FARSB: variants seen among roughly 807,000 people sequenced by gnomAD.
The protein encoded by FARSB is phenylalanyl-tRNA synthetase subunit beta.
FARSB carries 40 observed loss-of-function variants against 69.6 expected under a neutral mutation model. The observed-to-expected ratio is 0.57, with a 90% CI of 0.45 to 0.75. The LOEUF (loss-of-function observed/expected upper bound fraction) is 0.75. Ranked by LOEUF, FARSB falls within the 30% of genes least tolerant of loss-of-function variation. FARSB has a pLI of 0.00. For synonymous variants in FARSB, 235 were observed against 247.2 expected, an observed-to-expected ratio of 0.95 and a Z score of 0.46; for missense variants, 632 against 722.9, an observed-to-expected ratio of 0.87 and a Z score of 1.44.
chr2:222,636,192 G>C lies in FARSB; in HGVS notation c.456-1651C>G, dbSNP rs539843420. On this transcript the variant is annotated intron_variant, in intron 5 of 16. Coordinates refer to ENST00000281828, the MANE Select transcript of FARSB (RefSeq NM_005687.5). ...GAGGCCGAGGCAGGTGGATCACAAG[G>C]TCAGGTGATCAAGACCATCCTGGCT... Among the ~76,000 whole-genome samples, 14 of 151,972 alleles carry C rather than the reference G, an allele frequency of 9.2e-5. No homozygotes were observed. The South Asian group carries it at 2.7e-3, about 29-fold the overall frequency.
At chr2:222,647,274 C>T (rs1345754915) in intron 2 of FARSB, among the ~76,000 whole-genome samples, 2 of 152,150 alleles carry the variant, frequency 1.3e-5, no homozygotes, top group Non-Finnish European at 2.9e-5. Context: ...ACAGATGGGA[C>T]AGCTAGCCTC....
At chr2:222,583,556 C>A (rs4674671) in intron 16 of FARSB, among the ~76,000 whole-genome samples, 45,490 of 152,060 alleles carry the variant, frequency 0.3, 7,551 homozygotes, top group Non-Finnish European at 0.38. Context: ...GGCCTGTAAT[C>A]TTCAAGTGTC....
At chr2:222,577,435 C>A (rs972973408) in intron 16 of FARSB, among the ~76,000 whole-genome samples, 27 of 152,204 alleles carry the variant, frequency 1.8e-4, no homozygotes, top group Admixed American at 1.1e-3. Flanking sequence ...AATCCCAACA[C>A]ACCTGCAGAC....
At position 222,656,017 on chromosome 2, in the gene FARSB, G is replaced by A. The variant is rs1347857093; in HGVS notation, c.57C>T (p.Tyr19=). The A allele has an allele frequency of 3.8e-6, 6 of 1,595,938 alleles. No individual in the cohort carries two copies. Among genetic ancestry groups the A allele is most frequent in the African/African-American group, 1.3e-5 (1 of 74,248 alleles). Residue 19 remains tyrosine, a splice_region_variant and synonymous_variant, in exon 1 of 17, where the codon TAC becomes TAT. Transcript: ENST00000281828. ...DLLFQALGRT[Y]TDEEFDELCF... is the part of the protein sequence containing the mutation. ...CCAACGTATAGGGCCGCCACTCACT[G>A]TAGGTGCGGCCCAGGGCTTGGAAGA...
chr2:222,648,311 G>A (rs1691922887), intron 2 of FARSB, among the ~76,000 whole-genome samples: 1 of 152,204 alleles, frequency 6.6e-6, no homozygotes, highest in East Asian at 1.9e-4. Flanking sequence ...CATTAGTACT[G>A]GTTGAAGAGG....
At chr2:222,593,078 C>T (rs778253116) in intron 16 of FARSB, among the ~76,000 whole-genome samples, 1 of 152,060 alleles carries the variant, frequency 6.6e-6, no homozygotes, top group East Asian at 1.9e-4. Flanking sequence ...AAGCATCCAT[C>T]GGGGGTCTTG....
chr2:222,576,762 T>C (rs1689850189), intron 16 of FARSB, among the ~76,000 whole-genome samples: 2 of 152,268 alleles, frequency 1.3e-5, no homozygotes, highest in South Asian at 4.1e-4. Flanking sequence ...GAACCATAAT[T>C]TCCTACAGAG....
At chr2:222,624,911 G>T in intron 10 of FARSB, 136 bp from the exon 11 acceptor site, 2 of 574,418 alleles carry the variant, frequency 3.5e-6, no homozygotes, top group Non-Finnish European at 6.1e-6. Flanking sequence ...GAATAAACTT[G>T]ATGTTTCAAA....
chr2:222,631,667 A>G lies in FARSB; in HGVS notation c.723T>C (p.His241=). 2 of 1,550,578 alleles carry G rather than the reference A, an allele frequency of 1.3e-6. No homozygotes were observed. The highest frequency in any genetic ancestry group is 1.8e-6 in the Non-Finnish European group (2 of 1,122,574). Residue 241 remains histidine, a synonymous_variant, in exon 8 of 17, where the codon CAT becomes CAC. Transcript: ENST00000281828. ...LSMPPIINGD[H]SRITVNTRNI... ...TTCTAGTATTTACTGTTATTCTGGAATGATCCCCTGCAATGAACACAAAAC... is the reference window on the plus strand; with the variant it reads ...TTCTAGTATTTACTGTTATTCTGGAGTGATCCCCTGCAATGAACACAAAAC...
Position 222,571,718 on chromosome 2 carries a change from A to G in FARSB, c.*153T>C. On this transcript the variant is annotated 3_prime_UTR_variant, in exon 17 of 17. Transcript: ENST00000281828. ...GCACAAGCTGGCCTAATATGCAGGG[A>G]AAGGATGGTCTCTACCCACACAGCC... is the stretch of plus-strand genomic sequence containing the variant. 3.1e-6 allele frequency: 2 copies of G among 638,420 alleles called. No homozygotes were observed. The highest frequency in any genetic ancestry group is 5.3e-6 in the Non-Finnish European group (2 of 374,504). The allele number at this position is 638,420 out of a possible 1,614,324, so 39.5% of individuals were successfully genotyped here. A position where few individuals can be genotyped will look rare whatever the true frequency, so the allele number is the denominator to read the frequency against.
At chr2:222,653,774 G>A (rs890998313) in intron 1 of FARSB, among the ~76,000 whole-genome samples, 2 of 151,902 alleles carry the variant, frequency 1.3e-5, no homozygotes, top group African/African-American at 2.4e-5. Flanking sequence ...GGGACTACAC[G>A]TATACACCAC....
At chr2:222,582,327 T>C (rs1689990217) in intron 16 of FARSB, among the ~76,000 whole-genome samples, 1 of 151,888 alleles carries the variant, frequency 6.6e-6, no homozygotes, top group East Asian at 1.9e-4. Flanking sequence ...TACAGAACAG[T>C]GTGTAAAGTA....
chr2:222,654,086 T>C (rs1692109930), intron 1 of FARSB, among the ~76,000 whole-genome samples: 1 of 152,226 alleles, frequency 6.6e-6, no homozygotes, highest in Admixed American at 6.5e-5. Context: ...GATTATTTCT[T>C]ACCTCCCTAG....
intron 3 of FARSB, 71 bp from the exon 4 acceptor site, chr2:222,641,002 T>C: frequency 1.3e-6 from 1 of 757,276 alleles, no homozygotes; most frequent in Non-Finnish European, 2.1e-6. Context: ...CATTCTATGC[T>C]GTATATAGGA....
chr2:222,636,420 T>C (rs181549009), intron 5 of FARSB, among the ~76,000 whole-genome samples: 1 of 147,484 alleles, frequency 6.8e-6, no homozygotes, highest in Admixed American at 6.8e-5. Flanking sequence ...TGCTTAAAAC[T>C]GTAGAGTCAA....
chr2:222,568,432 A>G lies in FARSB; in HGVS notation c.*3439T>C, dbSNP rs1362717191. 1.3e-5 allele frequency: 2 copies of G among 152,222 alleles called. No individual in the cohort carries two copies. The highest frequency in any genetic ancestry group is 4.8e-5 in the African/African-American group (2 of 41,454). The allele number at this position is 152,222 out of a possible 1,614,324, so 9.4% of individuals were successfully genotyped here. A position where few individuals can be genotyped will look rare whatever the true frequency, so the allele number is the denominator to read the frequency against. On this transcript the variant is annotated 3_prime_UTR_variant, in exon 17 of 17. Transcript: ENST00000281828. This position sits in a 1 kb window ranked among gnomAD's most constrained non-coding sequence, Gnocchi z 4.3. ...TTATTGGCTATGTGACTTCTGAGTA[A>G]GTTATTGATCTCTCTGAAACTCAAC...
rs201693414 is a variant in FARSB, at chr2:222,572,031, G to C, written c.1619-9C>G. ...GGGGAAGAAAGCAGGCCCTGAAAAA[G>C]AGAAAGTAAGAGAAAAATCAATGTT... On this transcript the variant is annotated splice_polypyrimidine_tract_variant and intron_variant, in intron 16 of 16. Coordinates refer to ENST00000281828, the MANE Select transcript of FARSB (RefSeq NM_005687.5). The C allele has an allele frequency of 2.2e-4, 345 of 1,604,250 alleles. 3 individuals carry two copies. Among genetic ancestry groups the C allele is most frequent in the Middle Eastern group, 8.5e-4 (5 of 5,890 alleles).
intron 14 of FARSB, among the ~76,000 whole-genome samples, chr2:222,617,263 A>G (rs372975746): frequency 6.6e-6 from 1 of 152,022 alleles, no homozygotes; most frequent in East Asian, 1.9e-4. Context: ...GCCTCCCAAG[A>G]AAGATTGATT....
Position 222,598,163 on chromosome 2 carries a change from C to T in FARSB, c.1618+1765G>A, listed in dbSNP as rs79485585. Among the ~76,000 whole-genome samples the T allele has an allele frequency of 1.3e-4, 20 of 152,320 alleles. No individual in the cohort carries two copies. In the East Asian group the frequency reaches 2.1e-3, roughly 16 times the overall value. ...GAAGAAGTTGCACTTTCTTCCTCTT[C>T]GGAAACATCAAGACAATCATTTTAA... is the stretch of plus-strand genomic sequence containing the variant. On this transcript the variant is annotated intron_variant, in intron 16 of 16. Coordinates refer to ENST00000281828, the MANE Select transcript of FARSB (RefSeq NM_005687.5).
Sources: gnomAD v4.1 joint callset for allele counts (sites outside exome capture counted in the v4.1 genomes callset) on GRCh38, gnomAD v4.1.1 for gene constraint, Gnocchi (gnomAD v3.1) non-coding constraint, MANE v1.5 for transcripts, NCBI Gene and HGNC (gene_info 2026-07-23, HGNC 2026-07-21) for gene names.